The following LSM10 variants were observed in gnomAD, a reference collection of about 807,000 sequenced individuals.
LSM10 encodes the protein U7 snRNA-associated Sm-like protein LSm10.
In LSM10, 4 loss-of-function variants were observed where a neutral mutation model predicts 5.2. The ratio of observed to expected loss-of-function variants is 0.77; its 90% CI spans 0.38 to 1.77. The LOEUF (loss-of-function observed/expected upper bound fraction) is 1.77, where lower values mean the gene tolerates loss of function less well. Among genes scored for constraint, LSM10 ranks in the 40% most tolerant of loss-of-function variants. The pLI, the probability that LSM10 is intolerant of heterozygous loss-of-function variation, is 0.04. For missense variants in LSM10, 150 were observed against 171.6 expected (o/e 0.87, Z 0.70); for synonymous variants, 63 against 67.4 (o/e 0.94, Z 0.32).
chr1:36,394,639 T>A (rs1647144895), intron 1 of LSM10, among the ~76,000 whole-genome samples: 1 of 151,862 alleles, frequency 6.6e-6, no homozygotes, highest in Non-Finnish European at 1.5e-5. Context: ...ACCCCGTCTC[T>A]ACTAAAAATG....
At chr1:36,397,014 C>A (rs1647161895) in intron 1 of LSM10, among the ~76,000 whole-genome samples, 1 of 151,834 alleles carries the variant, frequency 6.6e-6, no homozygotes, top group Non-Finnish European at 1.5e-5. Flanking sequence ...GAAAAAAACC[C>A]CCAACCGGTA....
In LSM10 at chr1:36,394,005, C is replaced by G. The variant is rs757686558; in HGVS notation, c.125G>C (p.Arg42Pro). The G allele has an allele frequency of 1.9e-6, 3 of 1,614,202 alleles. No homozygotes were observed. ...DLRDESVAHG[R>P]IDNVDAFMNI... ...CATGAAAGCATCGACATTGTCTATG[C>G]GTCCGTGGGCCACGCTCTCATCCCG... Residue 42 changes from arginine to proline, a missense_variant, in exon 2 of 2, where the codon CGC becomes CCC. Arg to Pro is a moderately radical substitution (Grantham distance 103, BLOSUM62 -2). Transcript: ENST00000315732.
rs1284618724 is a variant in LSM10, at chr1:36,393,992, G to A, written c.138C>T (p.Val46=). The change falls in exon 2 of 2, where the codon GTC becomes GTT. Residue 46 remains valine (V), a synonymous_variant. Transcript: ENST00000315732. ...ESVAHGRIDN[V]DAFMNIRLAK... ...CCAGGCGGATGTTCATGAAAGCATC[G>A]ACATTGTCTATGCGTCCGTGGGCCA... 7 of 1,614,106 alleles carry A rather than the reference G, an allele frequency of 4.3e-6. No individual in the cohort carries two copies. Among genetic ancestry groups the A allele is most frequent in the East Asian group, 2.2e-5 (1 of 44,898 alleles).
intron 1 of LSM10, 41 bp from the exon 2 acceptor site, chr1:36,394,194 G>A: frequency 6.5e-7 from 1 of 1,545,304 alleles, no homozygotes; most frequent in East Asian, 2.3e-5. Flanking sequence ...TAGCAGGGTA[G>A]GGGGTACAGT....
At chr1:36,395,312 T>G (rs1204842495) in intron 1 of LSM10, among the ~76,000 whole-genome samples, 1 of 152,188 alleles carries the variant, frequency 6.6e-6, no homozygotes, top group Non-Finnish European at 1.5e-5. Flanking sequence ...AATTATATGA[T>G]TATCTACATT....
rs902516044 is a variant in LSM10 at position 36,397,887 on chromosome 1, C to G, written c.-145G>C. Reference sequence around the variant, plus strand: ...AAACCATGCCGGCGACCGGGCCGCTCTGTCCTCCGGGCGCAGAGTGCGTCA... The same window carrying G: ...AAACCATGCCGGCGACCGGGCCGCTGTGTCCTCCGGGCGCAGAGTGCGTCA... On this transcript the variant is annotated 5_prime_UTR_variant, in exon 1 of 2. Transcript: ENST00000315732. The G allele has an allele frequency of 6.6e-6, 1 of 152,240 alleles. No individual in the cohort carries two copies. The highest frequency in any genetic ancestry group is 1.5e-5 in the Non-Finnish European group (1 of 68,046). 9.4% of individuals were successfully genotyped at this position (152,240 alleles called of 1,614,324 possible).
At chr1:36,395,712 AG>A (rs1418217055) in intron 1 of LSM10, among the ~76,000 whole-genome samples, 1 of 150,222 alleles carries the variant, frequency 6.7e-6, no homozygotes, top group Non-Finnish European at 1.5e-5. Context: ...CGGGAGGTGG[AG>A]GCTGCAGTGA....
intron 1 of LSM10, chr1:36,397,553 T>G (rs1647164720): frequency 6.6e-6 from 1 of 152,154 alleles, no homozygotes. Flanking sequence ...GGCGATCACT[T>G]AGCAAACCAC....
chr1:36,393,641 C>A lies in LSM10; in HGVS notation c.*117G>T. 2.1e-6 allele frequency: 3 copies of A among 1,425,260 alleles called. No individual in the cohort carries two copies. Among genetic ancestry groups the A allele is most frequent in the Admixed American group, 1.9e-5 (1 of 52,006 alleles). The allele number at this position is 1,425,260 out of a possible 1,614,324, so 88.3% of individuals were successfully genotyped here. On this transcript the variant is annotated 3_prime_UTR_variant, in exon 2 of 2. Transcript: ENST00000315732. ...TTTGACAGGTGGTGTCTGTTGGACA[C>A]CAGCTTCTGGCCTGGCCCTGCTTTC...
intron 1 of LSM10, among the ~76,000 whole-genome samples, chr1:36,395,057 A>C (rs1647148472): frequency 6.6e-6 from 1 of 152,220 alleles, no homozygotes; most frequent in Non-Finnish European, 1.5e-5. Context: ...CAATGAGCCA[A>C]GATTGCGCCA....
Position 36,393,685 on chromosome 1 carries a change from G to C in LSM10, c.*73C>G. The C allele has an allele frequency of 1.9e-6, 3 of 1,569,934 alleles. No individual in the cohort carries two copies. The highest frequency in any genetic ancestry group is 1.7e-6 in the Non-Finnish European group (2 of 1,153,946). On this transcript the variant is annotated 3_prime_UTR_variant, in exon 2 of 2. Coordinates refer to ENST00000315732, the MANE Select transcript of LSM10 (RefSeq NM_032881.3). ...TGCTTTCTTCTCGGGTACCAGACAG[G>C]GTGTGAGGGCAGGGAACTAGCTCCG...
intron 1 of LSM10, among the ~76,000 whole-genome samples, chr1:36,397,398 T>C (rs552748542): frequency 6.6e-6 from 1 of 152,280 alleles, no homozygotes; most frequent in African/African-American, 2.4e-5. Context: ...TCCCTGGGCA[T>C]GGCCTAACGA....
At chr1:36,394,433 T>C (rs933383946) in intron 1 of LSM10, among the ~76,000 whole-genome samples, 1 of 151,436 alleles carries the variant, frequency 6.6e-6, no homozygotes, top group African/African-American at 2.4e-5. Flanking sequence ...GAGACTGAGG[T>C]AGGAGCTTCA....
rs1054735278 is a variant in LSM10 at position 36,393,750 on chromosome 1, T to C, written c.*8A>G. ...ACTCCGAGTTGGGGCCAGGGCTTGC[T>C]GAGGGCCTCACTTACAGTTTTTTGG... On this transcript the variant is annotated 3_prime_UTR_variant, in exon 2 of 2. Transcript: ENST00000315732. 1.2e-6 allele frequency: 2 copies of C among 1,612,862 alleles called. No individual in the cohort carries two copies. Among genetic ancestry groups the C allele is most frequent in the Admixed American group, 1.7e-5 (1 of 59,998 alleles).
chr1:36,396,223 CAAAAAAAAAA>C (rs71053922), intron 1 of LSM10, among the ~76,000 whole-genome samples: 1 of 73,946 alleles, frequency 1.4e-5, no homozygotes, highest in Non-Finnish European at 2.4e-5. Flanking sequence ...GACTCCATCT[CAAAAAAAAAA>C]AAAAAAAAAA....
intron 1 of LSM10, among the ~76,000 whole-genome samples, chr1:36,395,323 G>A (rs1052974462): frequency 2.6e-5 from 4 of 152,156 alleles, no homozygotes; most frequent in Non-Finnish European, 5.9e-5. Context: ...TATCTACATT[G>A]AGAATGCAAG....
chr1:36,394,210 A>C, intron 1 of LSM10, 57 bp from the exon 2 acceptor site: 5 of 1,487,550 alleles, frequency 3.4e-6, no homozygotes, highest in Non-Finnish European at 4.5e-6. Flanking sequence ...ACAGTTGCCA[A>C]CTCACCTCCA....
Position 36,394,052 on chromosome 1 carries a change from G to C in LSM10, c.78C>G (p.Gly26=), listed in dbSNP as rs760711414. The C allele has an allele frequency of 6.2e-7, 1 of 1,614,210 alleles. No individual in the cohort carries two copies. The highest frequency in any genetic ancestry group is 1.7e-5 in the Admixed American group (1 of 60,030). Residue 26 remains glycine, a synonymous_variant, in exon 2 of 2, where the codon GGC becomes GGG. Coordinates refer to ENST00000315732, the MANE Select transcript of LSM10 (RefSeq NM_032881.3). The stretch of plus-strand genomic sequence containing the variant: ...CCCGCAGGTCCACAGTGGTTACCCG[G>C]CCCTGGAGGCCCTGCAGTAGGATGA... ...SLIILLQGLQ[G]RVTTVDLRDE...
Position 36,393,742 on chromosome 1 carries a change from G to A in LSM10, c.*16C>T, listed in dbSNP as rs1174606808. 1 of 1,611,894 alleles carries A rather than the reference G, an allele frequency of 6.2e-7. No homozygotes were observed. Among genetic ancestry groups the A allele is most frequent in the African/African-American group, 1.3e-5 (1 of 74,902 alleles). ...ACTGGAGGACTCCGAGTTGGGGCCA[G>A]GGCTTGCTGAGGGCCTCACTTACAG... On this transcript the variant is annotated 3_prime_UTR_variant, in exon 2 of 2. Coordinates refer to ENST00000315732, the MANE Select transcript of LSM10 (RefSeq NM_032881.3).
Sources: gnomAD v4.1 joint callset for allele counts (sites outside exome capture counted in the v4.1 genomes callset) on GRCh38, gnomAD v4.1.1 for gene constraint, MANE v1.5 for transcripts, NCBI Gene and HGNC (gene_info 2026-07-23, HGNC 2026-07-21) for gene names.